Variants in CCNY observed in about 807,000 individuals in gnomAD.
CCNY encodes cyclin Y.
A neutral mutation model predicts 42.8 loss-of-function variants in CCNY; 19 were observed. The observed-to-expected ratio is 0.44, with a 90% CI of 0.31 to 0.65. The LOEUF (loss-of-function observed/expected upper bound fraction) is 0.65, where lower values mean the gene tolerates loss of function less well. CCNY is among the 30% of genes least tolerant of loss of function. CCNY has a pLI of 0.07. For missense variants in CCNY, 370 were observed against 437.3 expected (o/e 0.85, Z 1.37); for synonymous variants, 165 against 162.7 (o/e 1.01, Z -0.11).
chr10:35,562,222 G>T (rs1841480879), intron 8 of CCNY, among the ~76,000 whole-genome samples: 1 of 152,216 alleles, frequency 6.6e-6, no homozygotes, highest in South Asian at 2.1e-4. Flanking sequence ...TCCAAGCATT[G>T]CATGGCACAG....
intron 3 of CCNY, among the ~76,000 whole-genome samples, chr10:35,509,702 A>G (rs1198760751): frequency 6.6e-6 from 1 of 152,050 alleles, no homozygotes. Flanking sequence ...TGGAAAAGTG[A>G]TGATGGTGCT....
chr10:35,493,347 T>A (rs2135381111), intron 2 of CCNY, among the ~76,000 whole-genome samples: 1 of 152,340 alleles, frequency 6.6e-6, no homozygotes, highest in Middle Eastern at 3.4e-3. Flanking sequence ...CTTGTCCTAC[T>A]GTTAGACAGC....
intron 1 of CCNY, among the ~76,000 whole-genome samples, chr10:35,457,158 TCTTA>T (rs1839055223): frequency 1.3e-5 from 2 of 152,254 alleles, no homozygotes; most frequent in South Asian, 4.1e-4. Flanking sequence ...CCTTTAAAAA[TCTTA>T]CTTAGTTTCT....
intron 2 of CCNY, among the ~76,000 whole-genome samples, chr10:35,488,458 C>G (rs532731476): frequency 1.3e-5 from 2 of 152,286 alleles, no homozygotes; most frequent in South Asian, 2.1e-4. Flanking sequence ...CACTTGCATT[C>G]CCAGCTGTCT....
intron 3 of CCNY, among the ~76,000 whole-genome samples, chr10:35,266,150 T>C (rs2095724986): frequency 6.6e-6 from 1 of 151,426 alleles, no homozygotes. Context: ...CAATCTCGGC[T>C]CACTACAACC....
intron 3 of CCNY, among the ~76,000 whole-genome samples, chr10:35,328,809 G>A (rs1411934194): frequency 6.6e-6 from 1 of 152,182 alleles, no homozygotes; most frequent in Non-Finnish European, 1.5e-5. Context: ...CTACCACAGG[G>A]AAACTGAGAT....
intron 7 of CCNY, among the ~76,000 whole-genome samples, chr10:35,546,765 T>C (rs879825840): frequency 9.2e-5 from 14 of 152,210 alleles, no homozygotes; most frequent in Non-Finnish European, 1.6e-4. Flanking sequence ...TTTGTTTTTT[T>C]CCCAAACATT....
chr10:35,519,900 T>C (rs1840513179), intron 4 of CCNY, among the ~76,000 whole-genome samples: 1 of 148,408 alleles, frequency 6.7e-6, no homozygotes, highest in Admixed American at 6.8e-5. Context: ...GCCTTAGCCT[T>C]CCGAGTAGCT....
At chr10:35,382,001 A>T (rs1412203758) in intron 1 of CCNY, among the ~76,000 whole-genome samples, 2 of 152,248 alleles carry the variant, frequency 1.3e-5, no homozygotes, top group Non-Finnish European at 2.9e-5. Flanking sequence ...CAAGAAAATA[A>T]TAGTTACTGA....
intron 1 of CCNY, among the ~76,000 whole-genome samples, chr10:35,428,555 A>G (rs1838318758): frequency 1.3e-5 from 2 of 152,158 alleles, no homozygotes; most frequent in Non-Finnish European, 2.9e-5. Context: ...ATTTTTACTT[A>G]GAGGAGTGAG....
intron 1 of CCNY, among the ~76,000 whole-genome samples, chr10:35,343,443 G>A (rs1273025122): frequency 7.2e-6 from 1 of 138,420 alleles, no homozygotes; most frequent in East Asian, 2.1e-4. Context: ...AGGCTGGAGT[G>A]CAGTGATGCC....
chr10:35,459,932 T>C (rs1839120946), intron 1 of CCNY, among the ~76,000 whole-genome samples: 1 of 152,026 alleles, frequency 6.6e-6, no homozygotes, highest in Admixed American at 6.5e-5. Flanking sequence ...CCTTGCTAAT[T>C]AAAAGGAAGG....
intron 1 of CCNY, among the ~76,000 whole-genome samples, chr10:35,373,594 C>T (rs1836985600): frequency 1.3e-5 from 2 of 152,156 alleles, no homozygotes; most frequent in Admixed American, 1.3e-4. Context: ...GCAAAACCAA[C>T]CCCTCTTCTT....
chr10:35,254,021 G>A (rs911148982), intron 3 of CCNY, among the ~76,000 whole-genome samples: 15 of 148,922 alleles, frequency 1.0e-4, no homozygotes, highest in East Asian at 5.9e-4. Context: ...GACTACGGGC[G>A]CCCGCCACCA....
chr10:35,306,631 A>G (rs1471744282), intron 3 of CCNY, among the ~76,000 whole-genome samples: 1 of 151,102 alleles, frequency 6.6e-6, no homozygotes, highest in Non-Finnish European at 1.5e-5. Flanking sequence ...TCTTTCTGGT[A>G]CTCCCCGGTC....
At chr10:35,461,940 G>A (rs754273538) in intron 1 of CCNY, among the ~76,000 whole-genome samples, 5 of 150,414 alleles carry the variant, frequency 3.3e-5, no homozygotes, top group South Asian at 2.1e-4. Flanking sequence ...TTTTTCTCCC[G>A]GCACATCCCA....
At chr10:35,403,250 C>G (rs572312597) in intron 1 of CCNY, among the ~76,000 whole-genome samples, 37 of 152,162 alleles carry the variant, frequency 2.4e-4, no homozygotes, top group African/African-American at 8.7e-4. Context: ...TTCTAAGAGA[C>G]GGGCTAGTGG....
upstream of CCNY, chr10:35,335,849 CTTT>C (rs1836011579): frequency 6.6e-6 from 1 of 151,802 alleles, no homozygotes; most frequent in Admixed American, 6.6e-5. Flanking sequence ...GTCCTCGCTA[CTTT>C]GGAGACACAC....
intron 3 of CCNY, among the ~76,000 whole-genome samples, chr10:35,305,203 C>A (rs1402965106): frequency 2.0e-5 from 3 of 152,110 alleles, no homozygotes; most frequent in East Asian, 3.9e-4. Context: ...AGTAAGCGTG[C>A]TTTTTAATGA....
Sources: gnomAD v4.1 joint callset for allele counts (sites outside exome capture counted in the v4.1 genomes callset) on GRCh38, gnomAD v4.1.1 for gene constraint, MANE v1.5 for transcripts, NCBI Gene and HGNC (gene_info 2026-07-23, HGNC 2026-07-21) for gene names.